FEV: variants seen among roughly 807,000 people sequenced by gnomAD.
FEV encodes FEV transcription factor, ETS family member.
Under a neutral mutation model 20.5 loss-of-function variants are expected in FEV, and 14 were observed. The observed-to-expected ratio is 0.68, with a 90% CI of 0.45 to 1.07. The LOEUF is 1.07. Among genes scored for constraint, FEV ranks in the 50% least tolerant of loss-of-function variants. FEV has a pLI of 0.00. For missense variants in FEV, 301 were observed against 345.3 expected (o/e 0.87, Z 1.02); for synonymous variants, 188 against 163.7 (o/e 1.15, Z -1.13).
chr2:218,982,126 C>A lies in FEV; in HGVS notation c.258G>T (p.Arg86=). 1 of 1,613,678 alleles carries A rather than the reference C, an allele frequency of 6.2e-7. No homozygotes were observed. The highest frequency in any genetic ancestry group is 2.2e-5 in the East Asian group (1 of 44,864). ...TGGGCTTGCTCTTGCGCTCGCCCCA[C>A]CGCCGCGCCACCTCGTCCGGGTCCG... The part of the protein sequence containing the change: ...KLTDPDEVAR[R]WGERKSKPNM... The change falls in exon 3 of 3, where the codon CGG becomes CGT. Residue 86 remains arginine, a synonymous_variant. Transcript: ENST00000295727.
rs1945428382 is a variant in FEV at position 218,985,113 on chromosome 2, G to C, written c.-38C>G. The C allele has an allele frequency of 2.1e-6, 3 of 1,429,154 alleles. No individual in the cohort carries two copies. Among genetic ancestry groups the C allele is most frequent in the Middle Eastern group, 2.0e-4 (1 of 5,112 alleles). The allele number at this position is 1,429,154 out of a possible 1,614,324, so 88.5% of individuals were successfully genotyped here. On this transcript the variant is annotated 5_prime_UTR_variant, in exon 1 of 3. Coordinates refer to ENST00000295727, the MANE Select transcript of FEV (RefSeq NM_017521.3). The stretch of plus-strand genomic sequence containing the variant: ...CTGGGCGGTGGGAGATGGGGGGGAC[G>C]GGGAAGGGGGGCGAGGCAGGCTTTG...
In FEV at chr2:218,982,243, G is replaced by T; in HGVS notation, c.141C>A (p.Ile47=). 2 of 1,592,818 alleles carry T rather than the reference G, an allele frequency of 1.3e-6. No individual in the cohort carries two copies. Among genetic ancestry groups the T allele is most frequent in the Non-Finnish European group, 1.7e-6 (2 of 1,171,270 alleles). Reference sequence around the variant, plus strand: ...GCTCCAGCAGAAACTGCCACAGCTGGATCTGTCCGCTGCCTGTGGGGAGGG... The same window carrying T: ...GCTCCAGCAGAAACTGCCACAGCTGTATCTGTCCGCTGCCTGTGGGGAGGG... ...SPAVQKGSGQ[I]QLWQFLLELL... The change falls in exon 3 of 3, where the codon ATC becomes ATA. Residue 47 remains isoleucine (I), a synonymous_variant. Transcript: ENST00000295727.
chr2:218,982,679 G>A (rs774024431), intron 2 of FEV, among the ~76,000 whole-genome samples: 8 of 152,218 alleles, frequency 5.3e-5, no homozygotes, highest in Non-Finnish European at 1.5e-5. Context: ...ACGCACAACC[G>A]TACAGGGCGG....
At chr2:218,983,467 C>T (rs949013794) in intron 2 of FEV, among the ~76,000 whole-genome samples, 13 of 152,168 alleles carry the variant, frequency 8.5e-5, no homozygotes, top group African/African-American at 3.1e-4. Context: ...GTTTCTGGTC[C>T]CCAGAGTTAA....
rs932349851 is a variant in FEV at position 218,984,087 on chromosome 2, G to A, written c.127+144C>T. 3.0e-5 allele frequency: 22 copies of A among 742,074 alleles called. No individual in the cohort carries two copies. The highest frequency in any genetic ancestry group is 4.7e-5 in the Non-Finnish European group (22 of 468,536). 46.0% of individuals were successfully genotyped at this position (742,074 alleles called of 1,614,324 possible). A position where few individuals can be genotyped will look rare whatever the true frequency, so the allele number is the denominator to read the frequency against. On this transcript the variant is annotated intron_variant, in intron 2 of 2. Transcript: ENST00000295727. The surrounding 1 kb of genome is among the most constrained non-coding windows in gnomAD (Gnocchi z 5.0). Reference sequence around the variant, plus strand: ...TGCAGGAGCCAAAAACCAAGTGACTGTCTTCCCAAGGCCTCCGCACAACCA... The same window carrying A: ...TGCAGGAGCCAAAAACCAAGTGACTATCTTCCCAAGGCCTCCGCACAACCA...
At chr2:218,983,433 G>A (rs141330259) in intron 2 of FEV, among the ~76,000 whole-genome samples, 24 of 152,288 alleles carry the variant, frequency 1.6e-4, no homozygotes, top group Non-Finnish European at 3.1e-4. Flanking sequence ...ATCCCTTCAA[G>A]CCAGCCCAGC....
At chr2:218,982,442 T>C (rs1945399790) in intron 2 of FEV, among the ~76,000 whole-genome samples, 186 bp from the exon 3 acceptor site, 1 of 150,706 alleles carries the variant, frequency 6.6e-6, no homozygotes, top group Admixed American at 6.6e-5. Context: ...GAGTGGTGTG[T>C]AGCCTTACCG....
At position 218,981,639 on chromosome 2, in the gene FEV, C is replaced by G. The variant is rs1404703607; in HGVS notation, c.*28G>C. 3 of 1,278,240 alleles carry G rather than the reference C, an allele frequency of 2.3e-6. No homozygotes were observed. The African/African-American group carries it at 4.6e-5, about 20-fold the overall frequency. The allele number at this position is 1,278,240 out of a possible 1,614,324, so 79.2% of individuals were successfully genotyped here. On this transcript the variant is annotated 3_prime_UTR_variant, in exon 3 of 3. Coordinates refer to ENST00000295727, the MANE Select transcript of FEV (RefSeq NM_017521.3). The surrounding 1 kb of genome is among the most constrained non-coding windows in gnomAD (Gnocchi z 4.5). ...TCGGGCGAGACTCTAGGCGTGCGGGCGAGGCCGCAGGCACCCGACCGCCCC... is the reference window on the plus strand; with the variant it reads ...TCGGGCGAGACTCTAGGCGTGCGGGGGAGGCCGCAGGCACCCGACCGCCCC...
rs1458111611 is a variant in FEV at position 218,984,592 on chromosome 2, G to A, written c.53-287C>T. On this transcript the variant is annotated intron_variant, in intron 1 of 2. Transcript: ENST00000295727. This position sits in a 1 kb window ranked among gnomAD's most constrained non-coding sequence, Gnocchi z 5.0. The stretch of plus-strand genomic sequence containing the variant: ...GCGGGGAACTGCGCCAGCCGAGCTG[G>A]AGCGCGAAGAGAAGAGGAGGGTGCC... 2.5e-6 allele frequency: 1 copy of A among 406,528 alleles called. No individual in the cohort carries two copies. The highest frequency in any genetic ancestry group is 4.4e-6 in the Non-Finnish European group (1 of 226,224). 25.2% of individuals were successfully genotyped at this position (406,528 alleles called of 1,614,324 possible).
chr2:218,981,993 G>A lies in FEV; in HGVS notation c.391C>T (p.Leu131=). The A allele has an allele frequency of 1.2e-6, 2 of 1,609,564 alleles. No homozygotes were observed. The highest frequency in any genetic ancestry group is 1.7e-6 in the Non-Finnish European group (2 of 1,178,434). Residue 131 remains leucine, a synonymous_variant, in exon 3 of 3, where the codon CTG becomes TTG. Transcript: ENST00000295727. The surrounding 1 kb of genome is among the most constrained non-coding windows in gnomAD (Gnocchi z 4.5). ...RYAYRFDFQG[L]AQACQPPPAH... is the part of the protein sequence containing the mutation. Reference sequence around the variant, plus strand: ...GGCGGCGGCTGGCAGGCCTGCGCCAGGCCCTGGAAGTCGAAGCGGTAGGCG... The same window carrying A: ...GGCGGCGGCTGGCAGGCCTGCGCCAAGCCCTGGAAGTCGAAGCGGTAGGCG...
rs1945419738 is a variant in FEV, at chr2:218,984,404, C to T, written c.53-99G>A. ...CAAGGCTTAAGGGGGGTGCTGTGGT[C>T]CCCAGGCGCGAGGCTGGGGGCCCGG... On this transcript the variant is annotated intron_variant, in intron 1 of 2. Transcript: ENST00000295727. The surrounding 1 kb of genome is among the most constrained non-coding windows in gnomAD (Gnocchi z 5.0). 16 of 1,208,860 alleles carry T rather than the reference C, an allele frequency of 1.3e-5. No homozygotes were observed. The South Asian group carries it at 2.7e-4, about 21-fold the overall frequency. The allele number at this position is 1,208,860 out of a possible 1,614,324, so 74.9% of individuals were successfully genotyped here.
chr2:218,982,189 G>A lies in FEV; in HGVS notation c.195C>T (p.Cys65=). The A allele has an allele frequency of 6.2e-7, 1 of 1,611,696 alleles. No homozygotes were observed. The highest frequency in any genetic ancestry group is 8.5e-7 in the Non-Finnish European group (1 of 1,179,280). ...CGCCGTGACCGCCCTCCCACGCGATGCAGCCGGCGTTCGCGCGGTCAGCCA... is the reference window on the plus strand; with the variant it reads ...CGCCGTGACCGCCCTCCCACGCGATACAGCCGGCGTTCGCGCGGTCAGCCA... ...ELLADRANAG[C]IAWEGGHGEF... is the part of the protein sequence containing the mutation. Residue 65 remains cysteine, a synonymous_variant, in exon 3 of 3, where the codon TGC becomes TGT. Transcript: ENST00000295727.
chr2:218,982,167 C>T lies in FEV; in HGVS notation c.217G>A (p.Gly73Ser), dbSNP rs1945396060. Residue 73 changes from glycine (G) to serine (S), a missense_variant, in exon 3 of 3, where the codon GGC (glycine) becomes AGC (serine). Transcript: ENST00000295727. ...AGCIAWEGGHGEFKLTDPDEV... is the reference protein window; with the variant it reads ...AGCIAWEGGHSEFKLTDPDEV... ...TCCGGGTCCGTGAGCTTGAACTCGCCGTGACCGCCCTCCCACGCGATGCAG... is the reference window on the plus strand; with the variant it reads ...TCCGGGTCCGTGAGCTTGAACTCGCTGTGACCGCCCTCCCACGCGATGCAG... 2 of 1,613,030 alleles carry T rather than the reference C, an allele frequency of 1.2e-6. No individual in the cohort carries two copies. The highest frequency in any genetic ancestry group is 1.1e-5 in the South Asian group (1 of 91,036).
rs1272824210 is a variant in FEV, at chr2:218,981,949, G to A, written c.435C>T (p.Ala145=). The part of the protein sequence containing the change: ...CQPPPAHAHA[A]AAAAAAAAAA... ...CCGCGGCGGCGGCAGCAGCTGCGGCGGCGGCATGAGCGTGCGCGGGCGGCG... is the reference window on the plus strand; with the variant it reads ...CCGCGGCGGCGGCAGCAGCTGCGGCAGCGGCATGAGCGTGCGCGGGCGGCG... Residue 145 remains alanine, a synonymous_variant, in exon 3 of 3, where the codon GCC becomes GCT. Coordinates refer to ENST00000295727, the MANE Select transcript of FEV (RefSeq NM_017521.3). This position sits in a 1 kb window ranked among gnomAD's most constrained non-coding sequence, Gnocchi z 4.5. 1 of 1,455,362 alleles carries A rather than the reference G, an allele frequency of 6.9e-7. No individual in the cohort carries two copies. The highest frequency in any genetic ancestry group is 9.0e-7 in the Non-Finnish European group (1 of 1,108,034). 90.2% of individuals were successfully genotyped at this position (1,455,362 alleles called of 1,614,324 possible). A position where few individuals can be genotyped will look rare whatever the true frequency, so the allele number is the denominator to read the frequency against.
In FEV at chr2:218,984,841, A is replaced by G. The variant is rs1479150784; in HGVS notation, c.52+183T>C. ...CAACTCCTCTAGACCCTGCACTGAA[A>G]CCCAGAGCTCTCTATCTGCCTTTAG... On this transcript the variant is annotated intron_variant, in intron 1 of 2. Transcript: ENST00000295727. The surrounding 1 kb of genome is among the most constrained non-coding windows in gnomAD (Gnocchi z 5.0). Among the ~76,000 whole-genome samples, 1 of 151,950 alleles carries G rather than the reference A, an allele frequency of 6.6e-6. No homozygotes were observed. The highest frequency in any genetic ancestry group is 6.6e-5 in the Admixed American group (1 of 15,262).
Position 218,982,232 on chromosome 2 carries a change from T to C in FEV, c.152A>G (p.Gln51Arg). Residue 51 changes from glutamine (Q) to arginine (R), a missense_variant, in exon 3 of 3, where the codon CAG becomes CGG. Coordinates refer to ENST00000295727, the MANE Select transcript of FEV (RefSeq NM_017521.3). ...GTCAGCCAGCAGCTCCAGCAGAAAC[T>C]GCCACAGCTGGATCTGTCCGCTGCC... Reference protein sequence around the residue: ...QKGSGQIQLWQFLLELLADRA... With the variant: ...QKGSGQIQLWRFLLELLADRA... 6.2e-7 allele frequency: 1 copy of C among 1,600,592 alleles called. No homozygotes were observed. The highest frequency in any genetic ancestry group is 8.5e-7 in the Non-Finnish European group (1 of 1,174,926).
In FEV at chr2:218,981,635, C is replaced by A; in HGVS notation, c.*32G>T. 1.6e-6 allele frequency: 2 copies of A among 1,273,516 alleles called. No homozygotes were observed. The highest frequency in any genetic ancestry group is 2.0e-6 in the Non-Finnish European group (2 of 1,010,444). 78.9% of individuals were successfully genotyped at this position (1,273,516 alleles called of 1,614,324 possible). ...GGGATCGGGCGAGACTCTAGGCGTG[C>A]GGGCGAGGCCGCAGGCACCCGACCG... On this transcript the variant is annotated 3_prime_UTR_variant, in exon 3 of 3. Coordinates refer to ENST00000295727, the MANE Select transcript of FEV (RefSeq NM_017521.3). This position sits in a 1 kb window ranked among gnomAD's most constrained non-coding sequence, Gnocchi z 4.5.
chr2:218,981,818 G>A lies in FEV; in HGVS notation c.566C>T (p.Pro189Leu). 2 of 1,241,438 alleles carry A rather than the reference G, an allele frequency of 1.6e-6. No individual in the cohort carries two copies. Among genetic ancestry groups the A allele is most frequent in the Non-Finnish European group, 2.0e-6 (2 of 997,538 alleles). 76.9% of individuals were successfully genotyped at this position (1,241,438 alleles called of 1,614,324 possible). The change falls in exon 3 of 3, where the codon CCC (proline) becomes CTC (leucine). Residue 189 changes from proline to leucine, a missense_variant. Physicochemically the swap from Pro to Leu is moderately conservative, Grantham distance 98. Coordinates refer to ENST00000295727, the MANE Select transcript of FEV (RefSeq NM_017521.3). The surrounding 1 kb of genome is among the most constrained non-coding windows in gnomAD (Gnocchi z 4.5). ...NLMAASAGVA[P>L]AGFSYWPGPG... ...GCCCGGCCAGTAGGAGAAGCCGGCG[G>A]GCGCGACCCCGGCCGAGGCGGCCAT...
intron 2 of FEV, among the ~76,000 whole-genome samples, chr2:218,983,453 C>T (rs1176260175): frequency 6.6e-6 from 1 of 152,230 alleles, no homozygotes; most frequent in Non-Finnish European, 1.5e-5. Context: ...CAAAGAGCTT[C>T]CTGGTTTCTG....
Sources: gnomAD v4.1 joint callset for allele counts (sites outside exome capture counted in the v4.1 genomes callset) on GRCh38, gnomAD v4.1.1 for gene constraint, Gnocchi (gnomAD v3.1) non-coding constraint, MANE v1.5 for transcripts, NCBI Gene and HGNC (gene_info 2026-07-23, HGNC 2026-07-21) for gene names.